The following FAH variants were observed in gnomAD, a reference collection of about 807,000 sequenced individuals.
FAH encodes fumarylacetoacetase.
A neutral mutation model predicts 55.8 loss-of-function variants in FAH; 47 were observed. That is an observed-to-expected ratio of 0.84 (90% confidence interval 0.67 to 1.07). The LOEUF (loss-of-function observed/expected upper bound fraction) is 1.07. FAH is among the 50% of genes least tolerant of loss of function. The probability of loss-of-function intolerance (pLI) is 0.00; values close to 1 mark genes in which losing one functional copy is unlikely to be tolerated. For synonymous variants in FAH, 199 were observed against 207.7 expected, an observed-to-expected ratio of 0.96 and a Z score of 0.36; for missense variants, 495 against 545.9, an observed-to-expected ratio of 0.91 and a Z score of 0.93.
downstream of FAH, chr15:80,186,684 C>T: frequency 4.1e-6 from 1 of 243,804 alleles, no homozygotes; most frequent in South Asian, 5.4e-5. Context: ...TGGCTGGAGA[C>T]CCAAGGAAGA....
chr15:80,165,106 A>T (rs980800834), intron 5 of FAH, among the ~76,000 whole-genome samples: 1 of 152,236 alleles, frequency 6.6e-6, no homozygotes, highest in African/African-American at 2.4e-5. Context: ...AATACAGTAC[A>T]GTAGGGCTGG....
chr15:80,168,174 T>C (rs1385910876), intron 6 of FAH, 25 bp downstream of exon 6: 1 of 1,611,684 alleles, frequency 6.2e-7, no homozygotes, highest in Non-Finnish European at 8.5e-7. Context: ...CGTCCAGGCC[T>C]TGCTGGTACC....
intron 4 of FAH, 109 bp downstream of exon 4, chr15:80,160,568 G>A (rs1431017570): frequency 9.7e-7 from 1 of 1,029,466 alleles, no homozygotes; most frequent in Non-Finnish European, 1.5e-6. Flanking sequence ...GCTGGTGGGG[G>A]GAGATGGAGG....
intron 5 of FAH, among the ~76,000 whole-genome samples, chr15:80,166,557 C>A (rs559547295): frequency 6.6e-5 from 10 of 151,770 alleles, no homozygotes; most frequent in Non-Finnish European, 1.2e-4. Context: ...TGTTGCAATG[C>A]ATTGCAAATA....
At chr15:80,185,732 C>T (rs2041365065) in intron 13 of FAH, among the ~76,000 whole-genome samples, 1 of 152,192 alleles carries the variant, frequency 6.6e-6, no homozygotes, top group South Asian at 2.1e-4. Flanking sequence ...TCTTCACTAC[C>T]ATGAGAACAG....
rs1038976542 is a variant in FAH at position 80,160,228 on chromosome 15, C to T, written c.315-182C>T. On this transcript the variant is annotated intron_variant, in intron 3 of 13. Transcript: ENST00000561421. ...CATTTCCTAGGGTAGAATATAGAAA[C>T]GGCTTCAGTGGGTGGATGTCCTCTC... 5.6e-5 allele frequency: 39 copies of T among 702,268 alleles called. 1 individual carries two copies. Among genetic ancestry groups the T allele is most frequent in the African/African-American group, 3.3e-4 (19 of 56,970 alleles). 43.5% of individuals were successfully genotyped at this position (702,268 alleles called of 1,614,324 possible). A position where few individuals can be genotyped will look rare whatever the true frequency, so the allele number is the denominator to read the frequency against.
chr15:80,155,803 C>T (rs1283532628), intron 1 of FAH: 5 of 442,360 alleles, frequency 1.1e-5, no homozygotes, highest in Admixed American at 9.5e-5. Flanking sequence ...GCTCTTCCCT[C>T]TAAGGTAGCC....
At position 80,172,224 on chromosome 15, in the gene FAH, A is replaced by C. The variant is rs772194472; in HGVS notation, c.682A>C (p.Met228Leu). ...ISKAHEHIFG[M>L]VLMNDWSARD... The stretch of plus-strand genomic sequence containing the variant: ...CAAGGCCCATGAGCACATTTTTGGA[A>C]TGGTCCTTATGAACGACTGGAGTGG... The change falls in exon 8 of 14, where the codon ATG (methionine) becomes CTG (leucine). Residue 228 changes from methionine (M) to leucine (L), a missense_variant. Met to Leu is a conservative substitution (Grantham distance 15). Transcript: ENST00000561421. 6.8e-6 allele frequency: 11 copies of C among 1,613,524 alleles called. No homozygotes were observed. In the Middle Eastern group the frequency reaches 4.9e-4, roughly 73 times the overall value.
chr15:80,154,462 G>A (rs956713378), intron 1 of FAH, among the ~76,000 whole-genome samples: 2 of 152,254 alleles, frequency 1.3e-5, no homozygotes, highest in African/African-American at 4.8e-5. Flanking sequence ...AGCCACTACA[G>A]ATGTCTGGAA....
chr15:80,172,950 A>G lies in FAH; in HGVS notation c.707-64A>G. 9 of 1,611,432 alleles carry G rather than the reference A, an allele frequency of 5.6e-6. No homozygotes were observed. The South Asian group carries it at 8.8e-5, about 16-fold the overall frequency. ...TCTCTGCTCCTTGGTCAAGGGCAGG[A>G]GGGGGTCGTTGGGAGATGCCCTGAT... On this transcript the variant is annotated intron_variant, in intron 8 of 13. Transcript: ENST00000561421.
At chr15:80,183,025 G>T (rs1409956838) in intron 13 of FAH, among the ~76,000 whole-genome samples, 1 of 152,342 alleles carries the variant, frequency 6.6e-6, no homozygotes, top group Admixed American at 6.5e-5. Context: ...CTAGCAGTTG[G>T]AATGCACATG....
In FAH at chr15:80,172,542, C is replaced by G. The variant is rs28462237; in HGVS notation, c.706+294C>G. ...GCTTAACACCCTTCGTATATTCTCC[C>G]GCTGATCCCTACACGGTATGTGCAA... On this transcript the variant is annotated intron_variant, in intron 8 of 13. Coordinates refer to ENST00000561421, the MANE Select transcript of FAH (RefSeq NM_000137.4). Among the ~76,000 whole-genome samples, 6 of 151,972 alleles carry G rather than the reference C, an allele frequency of 3.9e-5. No individual in the cohort carries two copies. In the East Asian group the frequency reaches 5.8e-4, roughly 15 times the overall value.
intron 10 of FAH, among the ~76,000 whole-genome samples, chr15:80,175,858 GA>G (rs138860767): frequency 0.039 from 5,911 of 152,338 alleles, 165 homozygotes; most frequent in Middle Eastern, 0.092. Flanking sequence ...AAAGGTCTGG[GA>G]CAGGGTCTGT....
chr15:80,171,601 C>T (rs1178068630), intron 7 of FAH, among the ~76,000 whole-genome samples: 3 of 152,106 alleles, frequency 2.0e-5, no homozygotes, highest in Non-Finnish European at 1.5e-5. Flanking sequence ...GCTGGGACTG[C>T]GGACATGTGC....
chr15:80,176,538 C>T (rs1243241454), intron 10 of FAH, among the ~76,000 whole-genome samples: 1 of 152,286 alleles, frequency 6.6e-6, no homozygotes, highest in East Asian at 1.9e-4. Flanking sequence ...CTGTGCTGGG[C>T]CCGCTCTTTC....
At chr15:80,154,558 T>C (rs1384660194) in intron 1 of FAH, among the ~76,000 whole-genome samples, 1 of 152,256 alleles carries the variant, frequency 6.6e-6, no homozygotes, top group African/African-American at 2.4e-5. Context: ...AAGCCTCTTC[T>C]GAAGCTTTCT....
chr15:80,169,557 G>A (rs1441514097), intron 7 of FAH, among the ~76,000 whole-genome samples: 7 of 151,562 alleles, frequency 4.6e-5, no homozygotes, highest in African/African-American at 1.7e-4. Context: ...TTTCTGAGAT[G>A]GAGTCTCACT....
At chr15:80,184,906 T>A (rs2041358034) in intron 13 of FAH, among the ~76,000 whole-genome samples, 1 of 152,072 alleles carries the variant, frequency 6.6e-6, no homozygotes, top group African/African-American at 2.4e-5. Context: ...CCCTTCCTGC[T>A]CCCTTTCCCT....
At position 80,157,633 on chromosome 15, in the gene FAH, A is replaced by T. The variant is rs903165786; in HGVS notation, c.82-427A>T. 2.7e-5 allele frequency: 8 copies of T among 301,370 alleles called. No individual in the cohort carries two copies. In the East Asian group the frequency reaches 6.5e-4, roughly 24 times the overall value. The allele number at this position is 301,370 out of a possible 1,614,324, so 18.7% of individuals were successfully genotyped here. ...CCTCAGCACTGTGTGTTGGGCACTC[A>T]TGCTCCACCGCACAACTGAACTACC... On this transcript the variant is annotated intron_variant, in intron 1 of 13. Transcript: ENST00000561421.
Sources: gnomAD v4.1 joint callset for allele counts (sites outside exome capture counted in the v4.1 genomes callset) on GRCh38, gnomAD v4.1.1 for gene constraint, MANE v1.5 for transcripts, NCBI Gene and HGNC (gene_info 2026-07-23, HGNC 2026-07-21) for gene names.